Variants in PCDHGA1 observed in about 807,000 individuals in gnomAD.
The protein encoded by PCDHGA1 is protocadherin gamma subfamily A, 1, also known as protocadherin gamma-A1.
Under a neutral mutation model 58.0 loss-of-function variants are expected in PCDHGA1, and 32 were observed. That is an observed-to-expected ratio of 0.55 (90% confidence interval 0.42 to 0.74). The LOEUF is 0.74. Among genes scored for constraint, PCDHGA1 ranks in the 30% least tolerant of loss-of-function variants. The pLI, the probability that PCDHGA1 is intolerant of heterozygous loss-of-function variation, is 0.00. For missense variants in PCDHGA1, 1,205 were observed against 1,182.3 expected, an observed-to-expected ratio of 1.02 and a Z score of -0.28; for synonymous variants, 498 against 501.1, an observed-to-expected ratio of 0.99 and a Z score of 0.08.
rs201458212 is a variant in PCDHGA1 at position 141,487,439 on chromosome 5, T to A, written c.2422-7368T>A. On this transcript the variant is annotated intron_variant, in intron 1 of 3. Coordinates refer to ENST00000517417, the MANE Select transcript of PCDHGA1 (RefSeq NM_018912.3). The surrounding 1 kb of genome is among the most constrained non-coding windows in gnomAD (Gnocchi z 5.0). ...TGGGATCCTCCGAATCCAGCTAGGG[T>A]CAGATGACCCTATCAAGTTTGTTGA... The A allele has an allele frequency of 1.5e-4, 242 of 1,613,808 alleles. No individual in the cohort carries two copies. Among genetic ancestry groups the A allele is most frequent in the Non-Finnish European group, 1.9e-4 (230 of 1,179,978 alleles).
intron 1 of PCDHGA1, chr5:141,403,598 G>T: frequency 6.2e-7 from 1 of 1,613,820 alleles, no homozygotes; most frequent in Non-Finnish European, 8.5e-7. Context: ...CACGGCCTCG[G>T]ATGGCGGCGA....
chr5:141,490,419 G>T lies in PCDHGA1; in HGVS notation c.2422-4388G>T, dbSNP rs1424302713. ...TGAGCCTTGATATCTCTCCGGACCT[G>T]CCATTTCAGATTAAGCCTTCTGAGA... is the stretch of plus-strand genomic sequence containing the variant. On this transcript the variant is annotated intron_variant, in intron 1 of 3. Transcript: ENST00000517417. The surrounding 1 kb of genome is among the most constrained non-coding windows in gnomAD (Gnocchi z 5.4). The T allele has an allele frequency of 6.2e-7, 1 of 1,614,170 alleles. No homozygotes were observed. The highest frequency in any genetic ancestry group is 8.5e-7 in the Non-Finnish European group (1 of 1,180,020).
In PCDHGA1 at chr5:141,376,671, G is replaced by T. The variant is rs541543618; in HGVS notation, c.2421+43566G>T. Reference sequence around the variant, plus strand: ...GGAAGACTCCCTTGTTCAGGTGAGGGTATCGTTTTTTTTTTTTTTTTTTTT... The same window carrying T: ...GGAAGACTCCCTTGTTCAGGTGAGGTTATCGTTTTTTTTTTTTTTTTTTTT... On this transcript the variant is annotated intron_variant, in intron 1 of 3. Transcript: ENST00000517417. The T allele has an allele frequency of 4.4e-4, 244 of 553,734 alleles. 1 individual carries two copies. The East Asian group carries it at 5.1e-3, about 12-fold the overall frequency. 34.3% of individuals were successfully genotyped at this position (553,734 alleles called of 1,614,324 possible).
intron 1 of PCDHGA1, chr5:141,389,914 C>A (rs754458764): frequency 1.2e-6 from 2 of 1,613,956 alleles, no homozygotes; most frequent in African/African-American, 2.7e-5. Flanking sequence ...ACTGACCGCC[C>A]CGACCCCTCT....
intron 1 of PCDHGA1, among the ~76,000 whole-genome samples, chr5:141,425,114 T>A (rs537694464): frequency 5.9e-5 from 9 of 152,326 alleles, no homozygotes; most frequent in African/African-American, 2.2e-4. Context: ...TGCCTACATT[T>A]TTCTTGAAGT....
At chr5:141,349,688 G>A (rs542039698) in intron 1 of PCDHGA1, among the ~76,000 whole-genome samples, 21 of 151,828 alleles carry the variant, frequency 1.4e-4, no homozygotes, top group African/African-American at 4.8e-4. Context: ...TTACAGAAAG[G>A]TAGGTATTTT....
chr5:141,377,207 A>C (rs1170353646), intron 1 of PCDHGA1: 1 of 152,122 alleles, frequency 6.6e-6, no homozygotes, highest in Non-Finnish European at 1.5e-5. Context: ...GATTGAGTAC[A>C]TCTCGTTTCT....
In PCDHGA1 at chr5:141,512,494, C is replaced by T. The variant is rs2099884262; in HGVS notation, c.*1321C>T. The T allele has an allele frequency of 6.5e-6, 1 of 152,894 alleles. No individual in the cohort carries two copies. Among genetic ancestry groups the T allele is most frequent in the Admixed American group, 6.5e-5 (1 of 15,282 alleles). The allele number at this position is 152,894 out of a possible 1,614,324, so 9.5% of individuals were successfully genotyped here. Reference sequence around the variant, plus strand: ...CTTCCGTGAAGGCCACTGCCCAGGTCCCCAGTGCGCCCCCTAGTGGCCATA... The same window carrying T: ...CTTCCGTGAAGGCCACTGCCCAGGTTCCCAGTGCGCCCCCTAGTGGCCATA... On this transcript the variant is annotated 3_prime_UTR_variant, in exon 4 of 4. Transcript: ENST00000517417.
At chr5:141,506,682 C>T (rs1333272766) in intron 3 of PCDHGA1, among the ~76,000 whole-genome samples, 4 of 152,192 alleles carry the variant, frequency 2.6e-5, no homozygotes, top group African/African-American at 9.6e-5. Context: ...ATATTATTAT[C>T]TTTGCTGACC....
chr5:141,410,843 C>CTTTTTAT, intron 1 of PCDHGA1: 1 of 216,280 alleles, frequency 4.6e-6, no homozygotes. Context: ...GATATTTTGT[C>CTTTTTAT]TTTGTCTTTT....
intron 1 of PCDHGA1, chr5:141,367,007 C>A: frequency 2.3e-6 from 1 of 430,082 alleles, no homozygotes; most frequent in Non-Finnish European, 4.0e-6. Context: ...TCATTTTACC[C>A]AAATATTTTG....
At position 141,511,349 on chromosome 5, in the gene PCDHGA1, C is replaced by CG; in HGVS notation, c.*176_*177insG. On this transcript the variant is annotated 3_prime_UTR_variant, in exon 4 of 4. Coordinates refer to ENST00000517417, the MANE Select transcript of PCDHGA1 (RefSeq NM_018912.3). The stretch of plus-strand genomic sequence containing the variant: ...GCCCAGTCAGCACCTACCCCTTCCC[C>CG]CCCAGGGGGTTGAATATGCAAAAGC... 7.1e-7 allele frequency: 1 copy of CG among 1,401,498 alleles called. No homozygotes were observed. Among genetic ancestry groups the CG allele is most frequent in the African/African-American group, 1.5e-5 (1 of 68,948 alleles). 86.8% of individuals were successfully genotyped at this position (1,401,498 alleles called of 1,614,324 possible).
intron 1 of PCDHGA1, chr5:141,396,285 A>G (rs996354546): frequency 1.3e-5 from 2 of 152,164 alleles, no homozygotes; most frequent in African/African-American, 4.8e-5. Context: ...ATGCCACTGC[A>G]CTCCAGCCTA....
Position 141,420,095 on chromosome 5 carries a change from G to A in PCDHGA1, c.2422-74712G>A, listed in dbSNP as rs1382286285. 2.5e-6 allele frequency: 4 copies of A among 1,613,882 alleles called. No individual in the cohort carries two copies. Among genetic ancestry groups the A allele is most frequent in the Admixed American group, 1.7e-5 (1 of 60,010 alleles). ...TGTGGGTCCCCCCAACTACAGTGAGGGAACGTTGCCCTATGCCTATAATTT... is the reference window on the plus strand; with the variant it reads ...TGTGGGTCCCCCCAACTACAGTGAGAGAACGTTGCCCTATGCCTATAATTT... On this transcript the variant is annotated intron_variant, in intron 1 of 3. Coordinates refer to ENST00000517417, the MANE Select transcript of PCDHGA1 (RefSeq NM_018912.3).
intron 1 of PCDHGA1, among the ~76,000 whole-genome samples, chr5:141,457,620 A>G (rs2098925834): frequency 6.6e-6 from 1 of 152,234 alleles, no homozygotes; most frequent in Admixed American, 6.5e-5. Flanking sequence ...ATGAACTTTA[A>G]TCTTATACTT....
At position 141,421,975 on chromosome 5, in the gene PCDHGA1, G is replaced by A. The variant is rs1287891140; in HGVS notation, c.2422-72832G>A. 3.1e-6 allele frequency: 5 copies of A among 1,610,050 alleles called. No individual in the cohort carries two copies. The South Asian group carries it at 3.3e-5, about 11-fold the overall frequency. On this transcript the variant is annotated intron_variant, in intron 1 of 3. Coordinates refer to ENST00000517417, the MANE Select transcript of PCDHGA1 (RefSeq NM_018912.3). ...AATGTTTACACAGTCCGTATATCGC[G>A]TGAGTGTTCCAGAAAACATCAGCTC...
intron 1 of PCDHGA1, among the ~76,000 whole-genome samples, chr5:141,437,526 G>A (rs1199002765): frequency 1.3e-5 from 2 of 152,160 alleles, no homozygotes; most frequent in East Asian, 3.8e-4. Context: ...GATGACAAAT[G>A]AGCAAATTGT....
At chr5:141,455,755 T>C (rs1283272521) in intron 1 of PCDHGA1, among the ~76,000 whole-genome samples, 1 of 152,150 alleles carries the variant, frequency 6.6e-6, no homozygotes, top group Non-Finnish European at 1.5e-5. Flanking sequence ...CTGGCCTGGC[T>C]CCTAGAGCCG....
chr5:141,421,477 A>G (rs755936665), intron 1 of PCDHGA1: 23 of 1,614,022 alleles, frequency 1.4e-5, no homozygotes, highest in Non-Finnish European at 1.7e-6. Context: ...GCGAAGCGGC[A>G]GCTTGATCAC....
Sources: allele counts gnomAD v4.1 joint callset (sites outside exome capture counted in the v4.1 genomes callset), GRCh38; gene constraint gnomAD v4.1.1; non-coding constraint Gnocchi (gnomAD v3.1); transcripts MANE v1.5; gene names NCBI Gene and HGNC (gene_info 2026-07-23, HGNC 2026-07-21).